ZNF407: variants seen among roughly 807,000 people sequenced by gnomAD.
The protein encoded by ZNF407 is zinc finger protein 407.
In ZNF407, 17 loss-of-function variants were observed where a neutral mutation model predicts 131.2. The observed-to-expected ratio is 0.13, with a 90% CI of 0.09 to 0.19. The LOEUF (loss-of-function observed/expected upper bound fraction) is 0.19. ZNF407 is among the 10% of genes least tolerant of loss of function. The probability of loss-of-function intolerance (pLI) is 1.00; values close to 1 mark genes in which losing one functional copy is unlikely to be tolerated. For synonymous variants in ZNF407, 1,156 were observed against 1,062.0 expected (o/e 1.09, Z -1.72); for missense variants, 2,681 against 2,830.6 (o/e 0.95, Z 1.20).
At chr18:74,872,058 C>G (rs943210874) in intron 4 of ZNF407, among the ~76,000 whole-genome samples, 1 of 151,774 alleles carries the variant, frequency 6.6e-6, no homozygotes, top group African/African-American at 2.4e-5. Flanking sequence ...TTAGTAGAGA[C>G]CGGGTTTCAC....
intron 8 of ZNF407, among the ~76,000 whole-genome samples, chr18:75,060,628 C>G (rs888538779): frequency 1.3e-5 from 2 of 151,188 alleles, no homozygotes; most frequent in Non-Finnish European, 2.9e-5. Flanking sequence ...GCCTCAGCCT[C>G]CCGAGTAGCT....
At chr18:74,691,106 C>G (rs1199058953) in intron 3 of ZNF407, among the ~76,000 whole-genome samples, 1 of 151,874 alleles carries the variant, frequency 6.6e-6, no homozygotes, top group African/African-American at 2.4e-5. Flanking sequence ...TGGTGAAATC[C>G]TATCTCTACT....
chr18:74,866,527 G>A (rs1203504937), intron 4 of ZNF407, among the ~76,000 whole-genome samples: 1 of 151,896 alleles, frequency 6.6e-6, no homozygotes, highest in Non-Finnish European at 1.5e-5. Flanking sequence ...TCTAAATCTA[G>A]CATATGTACT....
Position 75,055,428 on chromosome 18 carries a change from G to A in ZNF407, c.5429-7722G>A, listed in dbSNP as rs566753055. Among the ~76,000 whole-genome samples the A allele has an allele frequency of 7.0e-4, 107 of 152,262 alleles. 3 individuals carry two copies. The highest frequency in any genetic ancestry group is 3.1e-3 in the Admixed American group (48 of 15,292). ...CCTTCCTCTCCACCCCACAAAGCCC[G>A]TCAAGATAACCTTAAAGCACGCATT... On this transcript the variant is annotated intron_variant, in intron 8 of 8. Coordinates refer to ENST00000299687, the MANE Select transcript of ZNF407 (RefSeq NM_017757.3).
chr18:74,952,369 G>A (rs1014612905), intron 8 of ZNF407, among the ~76,000 whole-genome samples: 14 of 152,164 alleles, frequency 9.2e-5, no homozygotes, highest in African/African-American at 2.7e-4. Context: ...TCATGCTCAT[G>A]GAGAAGCACT....
intron 3 of ZNF407, among the ~76,000 whole-genome samples, chr18:74,704,880 T>C (rs1255973450): frequency 2.0e-5 from 3 of 152,218 alleles, no homozygotes; most frequent in Non-Finnish European, 4.4e-5. Context: ...CCTTGGCTCC[T>C]AACAGCAAAG....
chr18:74,938,903 A>G (rs1474917805), intron 8 of ZNF407, among the ~76,000 whole-genome samples: 3 of 152,226 alleles, frequency 2.0e-5, no homozygotes, highest in Admixed American at 1.3e-4. Context: ...AGGGATAGGT[A>G]GCAGTCACCC....
At chr18:74,826,018 T>C (rs1036911007) in intron 4 of ZNF407, among the ~76,000 whole-genome samples, 5 of 152,256 alleles carry the variant, frequency 3.3e-5, no homozygotes, top group Non-Finnish European at 5.9e-5. Context: ...TCTACGGTTG[T>C]ATTTTATACA....
At chr18:74,995,190 G>A (rs1052396494) in intron 8 of ZNF407, among the ~76,000 whole-genome samples, 8 of 152,118 alleles carry the variant, frequency 5.3e-5, no homozygotes, top group East Asian at 1.9e-4. Flanking sequence ...CTAGATCTGC[G>A]TGACTGCAGG....
chr18:74,924,728 G>A (rs1013637463), intron 8 of ZNF407, among the ~76,000 whole-genome samples: 3 of 152,172 alleles, frequency 2.0e-5, no homozygotes, highest in African/African-American at 7.2e-5. Context: ...AAAGGGGAGT[G>A]AAGATCTGGA....
chr18:74,871,388 A>G (rs1971084716), intron 4 of ZNF407, among the ~76,000 whole-genome samples: 2 of 152,226 alleles, frequency 1.3e-5, no homozygotes, highest in East Asian at 1.9e-4. Context: ...GTCTTTGAGC[A>G]ACTTAGAAAT....
rs1239817688 is a variant in ZNF407 at position 74,633,856 on chromosome 18, C to G, written c.2837C>G (p.Ala946Gly). The G allele has an allele frequency of 2.5e-6, 4 of 1,613,830 alleles. No individual in the cohort carries two copies. The highest frequency in any genetic ancestry group is 2.7e-5 in the African/African-American group (2 of 74,916). The change falls in exon 2 of 9, where the codon GCT becomes GGT. Residue 946 changes from alanine to glycine, a missense_variant. This residue lies in a region of ZNF407 where 1,789 missense variants were observed against 1,748.7 expected (regional missense o/e 1.02). Coordinates refer to ENST00000299687, the MANE Select transcript of ZNF407 (RefSeq NM_017757.3). Reference protein sequence around the residue: ...GSAVTMSDEHANKPAESPTSV... With the variant: ...GSAVTMSDEHGNKPAESPTSV... ...GCAGTGACCATGTCAGATGAACATG[C>G]TAACAAACCAGCTGAGTCACCCACC...
In ZNF407 at chr18:74,990,631, T is replaced by G. The variant is rs114165037; in HGVS notation, c.5428+69939T>G. Reference sequence around the variant, plus strand: ...AAGTGTAGCTGAGTTCCTTTTGAACTTATTTTTGCAGAAGTGATTTTTGGG... The same window carrying G: ...AAGTGTAGCTGAGTTCCTTTTGAACGTATTTTTGCAGAAGTGATTTTTGGG... On this transcript the variant is annotated intron_variant, in intron 8 of 8. Transcript: ENST00000299687. Among the ~76,000 whole-genome samples the G allele has an allele frequency of 3.1e-3, 465 of 152,342 alleles. 3 individuals carry two copies. Among genetic ancestry groups the G allele is most frequent in the African/African-American group, 0.01 (429 of 41,574 alleles).
intron 7 of ZNF407, among the ~76,000 whole-genome samples, chr18:74,918,099 A>G (rs1971797192): frequency 6.6e-6 from 1 of 152,224 alleles, no homozygotes; most frequent in Admixed American, 6.5e-5. Flanking sequence ...CATTTGTGTC[A>G]GTCACCTTCA....
chr18:74,865,571 T>A (rs1470587228), intron 4 of ZNF407, among the ~76,000 whole-genome samples: 1 of 152,198 alleles, frequency 6.6e-6, no homozygotes, highest in East Asian at 1.9e-4. Flanking sequence ...ATATTTTGAA[T>A]GCTGGAAGGT....
intron 4 of ZNF407, among the ~76,000 whole-genome samples, chr18:74,783,733 T>C (rs895270861): frequency 1.1e-4 from 16 of 152,272 alleles, no homozygotes; most frequent in African/African-American, 3.4e-4. Context: ...TGTCCTAACA[T>C]CAAGAAAATC....
At chr18:74,677,969 T>G (rs1966892384) in intron 3 of ZNF407, among the ~76,000 whole-genome samples, 1 of 152,056 alleles carries the variant, frequency 6.6e-6, no homozygotes, top group African/African-American at 2.4e-5. Flanking sequence ...TACAGGCACA[T>G]GCCACCATGC....
chr18:74,886,376 A>G (rs968450709), intron 6 of ZNF407, among the ~76,000 whole-genome samples: 10 of 152,122 alleles, frequency 6.6e-5, no homozygotes, highest in East Asian at 3.9e-4. Flanking sequence ...TATACCTACC[A>G]TATTATACAC....
At chr18:74,770,089 G>C (rs1249530819) in intron 3 of ZNF407, among the ~76,000 whole-genome samples, 1 of 152,106 alleles carries the variant, frequency 6.6e-6, no homozygotes, top group Non-Finnish European at 1.5e-5. Context: ...AGGTAAGTTG[G>C]TTCACATGAA....
Sources: gnomAD v4.1 joint callset for allele counts (sites outside exome capture counted in the v4.1 genomes callset) on GRCh38, gnomAD v4.1.1 for gene constraint, gnomAD v4.1.1 regional missense constraint, MANE v1.5 for transcripts, NCBI Gene and HGNC (gene_info 2026-07-23, HGNC 2026-07-21) for gene names.